ASB15: variants seen among roughly 807,000 people sequenced by gnomAD.
ASB15 encodes ankyrin repeat and SOCS box containing 15.
A neutral mutation model predicts 58.0 loss-of-function variants in ASB15; 54 were observed. The ratio of observed to expected loss-of-function variants is 0.93; its 90% CI spans 0.75 to 1.17. The LOEUF is 1.17. Ranked by LOEUF, ASB15 falls within the 50% of genes most tolerant of loss-of-function variation. ASB15 has a pLI of 0.00. For missense variants in ASB15, 680 were observed against 707.4 expected (o/e 0.96, Z 0.44); for synonymous variants, 249 against 262.4 (o/e 0.95, Z 0.50).
intron 1 of ASB15, among the ~76,000 whole-genome samples, chr7:123,572,626 T>A (rs1467536409): frequency 1.3e-5 from 2 of 152,074 alleles, no homozygotes; most frequent in African/African-American, 2.4e-5. Context: ...CTTTTTCTTT[T>A]AACTCCTGGT....
At chr7:123,626,376 G>A (rs1045296521) in intron 8 of ASB15, among the ~76,000 whole-genome samples, 4 of 152,142 alleles carry the variant, frequency 2.6e-5, no homozygotes, top group African/African-American at 9.7e-5. Context: ...GGAGACTGAG[G>A]CAGAAGAACT....
At chr7:123,582,491 C>T (rs147644479) in intron 1 of ASB15, among the ~76,000 whole-genome samples, 41 of 152,090 alleles carry the variant, frequency 2.7e-4, no homozygotes, top group South Asian at 1.2e-3. Flanking sequence ...ATATATCCTA[C>T]ATATTCTAAC....
intron 7 of ASB15, among the ~76,000 whole-genome samples, chr7:123,622,473 G>A (rs750807561): frequency 5.9e-5 from 9 of 151,972 alleles, no homozygotes; most frequent in Non-Finnish European, 1.3e-4. Context: ...TATTTCTATG[G>A]GAAATACATT....
At chr7:123,617,202 C>T (rs1800874785) in intron 6 of ASB15, among the ~76,000 whole-genome samples, 3 of 152,138 alleles carry the variant, frequency 2.0e-5, no homozygotes, top group South Asian at 2.1e-4. Context: ...ACAGCGATAC[C>T]TACATTCAAG....
intron 7 of ASB15, among the ~76,000 whole-genome samples, chr7:123,620,555 T>TATA (rs1562933402): frequency 1.6e-4 from 1 of 6,146 alleles, no homozygotes; most frequent in African/African-American, 5.4e-4. Context: ...TATATATATA[T>TATA]TTTTTTTTTT....
intron 3 of ASB15, among the ~76,000 whole-genome samples, chr7:123,610,975 G>C (rs1270550872): frequency 1.3e-5 from 2 of 151,226 alleles, no homozygotes; most frequent in South Asian, 4.2e-4. Flanking sequence ...CCAGCTACTC[G>C]GGAGGCTAAG....
intron 11 of ASB15, among the ~76,000 whole-genome samples, chr7:123,630,930 C>A (rs1802085973): frequency 6.6e-6 from 1 of 152,064 alleles, no homozygotes; most frequent in Admixed American, 6.6e-5. Context: ...AAACAGGAGT[C>A]TTGGAGAATC....
intron 9 of ASB15, 114 bp downstream of exon 9, chr7:123,627,395 A>T: frequency 1.2e-6 from 1 of 820,212 alleles, no homozygotes; most frequent in Non-Finnish European, 1.7e-6. Context: ...AATAGGCATA[A>T]TCTTCAGGTT....
At chr7:123,591,039 G>A (rs1799524199) in intron 1 of ASB15, among the ~76,000 whole-genome samples, 1 of 152,056 alleles carries the variant, frequency 6.6e-6, no homozygotes, top group African/African-American at 2.4e-5. Context: ...GGATTCCTAG[G>A]TATTTTATTC....
Position 123,638,072 on chromosome 7 carries a change from C to T in ASB15, c.*1091C>T, listed in dbSNP as rs1400949206. 6.6e-6 allele frequency: 1 copy of T among 152,004 alleles called. No homozygotes were observed. The highest frequency in any genetic ancestry group is 2.4e-5 in the African/African-American group (1 of 41,334). 9.4% of individuals were successfully genotyped at this position (152,004 alleles called of 1,614,324 possible). On this transcript the variant is annotated 3_prime_UTR_variant, in exon 12 of 12. Coordinates refer to ENST00000451215, the MANE Select transcript of ASB15 (RefSeq NM_001290258.2). ...CCACTCAGCAGCCCCCCACCACCCACCCCGCATTTGGCCCTAAGTCTATTA... is the reference window on the plus strand; with the variant it reads ...CCACTCAGCAGCCCCCCACCACCCATCCCGCATTTGGCCCTAAGTCTATTA...
chr7:123,581,195 C>T (rs763682820), intron 1 of ASB15, among the ~76,000 whole-genome samples: 11 of 151,712 alleles, frequency 7.3e-5, no homozygotes, highest in Non-Finnish European at 1.3e-4. Flanking sequence ...GCATGAACAC[C>T]GTTCAGAGGA....
rs184969780 is a variant in ASB15, at chr7:123,586,919, G to A, written c.-442-17113G>A. Among the ~76,000 whole-genome samples, 755 of 151,600 alleles carry A rather than the reference G, an allele frequency of 5.0e-3. 5 individuals carry two copies. The highest frequency in any genetic ancestry group is 7.6e-3 in the Non-Finnish European group (517 of 67,690). On this transcript the variant is annotated intron_variant, in intron 1 of 13. Coordinates refer to the ASB15 transcript ENST00000451558. ...TTTTGATGTGTCTGTTTTTATGAAA[G>A]TACTATATTGTCTTGTTTACTATAT...
chr7:123,636,816 T>G lies in ASB15; in HGVS notation c.1602T>G (p.Pro534=). The G allele has an allele frequency of 6.2e-7, 1 of 1,602,000 alleles. No homozygotes were observed. Among genetic ancestry groups the G allele is most frequent in the Non-Finnish European group, 8.5e-7 (1 of 1,176,488 alleles). ...WPEIRQILEN[P]CSLKHLCRLK... is the part of the protein sequence containing the mutation. ...TTTCCCGATTTCTTTTAGAGAATCC[T>G]TGTTCATTGAAGCATTTGTGTCGGT... Residue 534 remains proline (P), a synonymous_variant, in exon 12 of 12, where the codon CCT becomes CCG. Coordinates refer to ENST00000451215, the MANE Select transcript of ASB15 (RefSeq NM_001290258.2).
intron 1 of ASB15, among the ~76,000 whole-genome samples, chr7:123,576,325 A>G (rs2116295830): frequency 6.6e-6 from 1 of 151,778 alleles, no homozygotes; most frequent in Non-Finnish European, 1.5e-5. Context: ...TTTTTTATAT[A>G]TGAAGTTGTG....
rs140481273 is a variant in ASB15 at position 123,633,655 on chromosome 7, G to C, written c.1595-3154G>C. Among the ~76,000 whole-genome samples the C allele has an allele frequency of 5.4e-3, 823 of 152,298 alleles. 9 individuals are homozygous for C. The highest frequency in any genetic ancestry group is 0.019 in the African/African-American group (788 of 41,570). On this transcript the variant is annotated intron_variant, in intron 11 of 11. Transcript: ENST00000451215. The stretch of plus-strand genomic sequence containing the variant: ...TGTGCACGCGCGCGCACGTGCGTCT[G>C]TTTACAGATAAGTCTTAGAAATAAT...
At chr7:123,574,702 C>T (rs1475851586) in intron 1 of ASB15, among the ~76,000 whole-genome samples, 1 of 152,122 alleles carries the variant, frequency 6.6e-6, no homozygotes, top group Non-Finnish European at 1.5e-5. Flanking sequence ...GGCAGTCTTA[C>T]AGCTAATTCC....
chr7:123,592,229 T>G (rs1486754900), intron 1 of ASB15, among the ~76,000 whole-genome samples: 1 of 152,178 alleles, frequency 6.6e-6, no homozygotes, highest in Non-Finnish European at 1.5e-5. Flanking sequence ...TCTATTTTGT[T>G]GATCTTTTCA....
At chr7:123,567,018 G>A (rs1261522168) in exon 1 of ASB15, 1 of 152,144 alleles carries the variant, frequency 6.6e-6, no homozygotes, top group African/African-American at 2.4e-5. Context: ...GTAACCCTGG[G>A]TTCAGGCTTC....
intron 8 of ASB15, among the ~76,000 whole-genome samples, chr7:123,625,647 A>G (rs1441065205): frequency 2.0e-5 from 3 of 152,124 alleles, no homozygotes; most frequent in African/African-American, 4.8e-5. Context: ...TTTCCAACAG[A>G]TTGTGACACT....
Sources: gnomAD v4.1 joint callset for allele counts (sites outside exome capture counted in the v4.1 genomes callset) on GRCh38, gnomAD v4.1.1 for gene constraint, MANE v1.5 for transcripts, NCBI Gene and HGNC (gene_info 2026-07-23, HGNC 2026-07-21) for gene names.